Variants in GRM8 observed in about 807,000 individuals in gnomAD.
The protein encoded by GRM8 is glutamate metabotropic receptor 8, also known as metabotropic glutamate receptor 8.
Under a neutral mutation model 87.2 loss-of-function variants are expected in GRM8, and 47 were observed. The ratio of observed to expected loss-of-function variants is 0.54; its 90% confidence interval spans 0.43 to 0.69. The LOEUF (loss-of-function observed/expected upper bound fraction) is 0.69. Among genes scored for constraint, GRM8 ranks in the 30% least tolerant of loss-of-function variants. GRM8 has a pLI of 0.00. For synonymous variants in GRM8, 396 were observed against 404.5 expected (o/e 0.98, Z 0.25); for missense variants, 1,019 against 1,139.2 (o/e 0.89, Z 1.52).
intron 7 of GRM8, among the ~76,000 whole-genome samples, chr7:126,704,133 C>T (rs1428963640): frequency 6.6e-6 from 1 of 152,152 alleles, no homozygotes; most frequent in Admixed American, 6.5e-5. Flanking sequence ...AATGGAGGGA[C>T]TGGTTGAAGC....
At chr7:127,182,683 A>T (rs560431308) in intron 2 of GRM8, among the ~76,000 whole-genome samples, 4 of 138,320 alleles carry the variant, frequency 2.9e-5, no homozygotes, top group South Asian at 2.4e-4. Context: ...GTGTGTGTGT[A>T]TAGACAGATA....
intron 6 of GRM8, among the ~76,000 whole-genome samples, chr7:126,797,786 G>A (rs1448150326): frequency 6.6e-6 from 1 of 152,046 alleles, no homozygotes; most frequent in Non-Finnish European, 1.5e-5. Flanking sequence ...CTAGGACTAA[G>A]ATTGTGTAAA....
At chr7:126,811,825 CT>C (rs963619777) in intron 6 of GRM8, among the ~76,000 whole-genome samples, 1 of 151,664 alleles carries the variant, frequency 6.6e-6, no homozygotes, top group Non-Finnish European at 1.5e-5. Context: ...ATTTGGCATC[CT>C]TTTTTTTCCA....
intron 2 of GRM8, chr7:127,228,310 C>G (rs1797470974): frequency 6.6e-6 from 1 of 152,186 alleles, no homozygotes; most frequent in Non-Finnish European, 1.5e-5. Context: ...ACATGTTTAG[C>G]ATAGTGCCTG....
intron 3 of GRM8, among the ~76,000 whole-genome samples, chr7:127,094,091 A>T (rs1824414635): frequency 6.6e-6 from 1 of 152,206 alleles, no homozygotes; most frequent in Non-Finnish European, 1.5e-5. Context: ...GCCTATAAAA[A>T]ATGACATAAA....
At chr7:126,812,804 G>C (rs1170166046) in intron 6 of GRM8, among the ~76,000 whole-genome samples, 1 of 152,006 alleles carries the variant, frequency 6.6e-6, no homozygotes, top group African/African-American at 2.4e-5. Context: ...TGCATACATA[G>C]AGCAGGTATG....
At chr7:126,673,542 A>C (rs1806612951) in intron 7 of GRM8, among the ~76,000 whole-genome samples, 1 of 152,174 alleles carries the variant, frequency 6.6e-6, no homozygotes, top group South Asian at 2.1e-4. Context: ...CACCAAGAAC[A>C]CATGGATTCC....
In GRM8 at chr7:127,141,254, C is replaced by CACA. The variant is rs533617567; in HGVS notation, c.511-34545_511-34543dup. ...CCCTCCCTAGTGCCCATCCCACCCA[C>CACA]ACAACTGAGGGGTTTCCAGGTCCAG... On this transcript the variant is annotated intron_variant, in intron 2 of 10. Coordinates refer to ENST00000339582, the MANE Select transcript of GRM8 (RefSeq NM_000845.3). Among the ~76,000 whole-genome samples, 484 of 151,790 alleles carry CACA rather than the reference C, an allele frequency of 3.2e-3. 3 individuals are homozygous for CACA. The highest frequency in any genetic ancestry group is 5.1e-3 in the Non-Finnish European group (349 of 68,020).
intron 8 of GRM8, among the ~76,000 whole-genome samples, chr7:126,570,784 C>T (rs574083546): frequency 2.6e-5 from 4 of 152,276 alleles, no homozygotes; most frequent in African/African-American, 9.6e-5. Flanking sequence ...AGAGCAACAA[C>T]ACAATCCAAG....
chr7:126,742,573 T>C (rs903120776), intron 7 of GRM8, among the ~76,000 whole-genome samples: 5 of 152,028 alleles, frequency 3.3e-5, no homozygotes, highest in African/African-American at 9.6e-5. Context: ...TCACCATTAA[T>C]CAACCACGCC....
intron 8 of GRM8, among the ~76,000 whole-genome samples, chr7:126,590,879 A>C (rs1796606079): frequency 6.6e-6 from 1 of 152,200 alleles, no homozygotes; most frequent in African/African-American, 2.4e-5. Context: ...GGTGCTCTAA[A>C]TCTTGAAACA....
chr7:126,864,124 G>C (rs1408980425), intron 6 of GRM8, among the ~76,000 whole-genome samples: 1 of 140,376 alleles, frequency 7.1e-6, no homozygotes, highest in African/African-American at 2.6e-5. Flanking sequence ...TCCTGCCTCA[G>C]CCTCCCAAAG....
At chr7:127,190,834 A>T (rs1409983041) in intron 2 of GRM8, among the ~76,000 whole-genome samples, 7 of 152,160 alleles carry the variant, frequency 4.6e-5, no homozygotes, top group Admixed American at 4.6e-4. Flanking sequence ...CATTATAATT[A>T]GTTAAATATT....
At chr7:127,129,867 C>G (rs868649116) in intron 2 of GRM8, among the ~76,000 whole-genome samples, 1 of 152,142 alleles carries the variant, frequency 6.6e-6, no homozygotes, top group African/African-American at 2.4e-5. Context: ...TGAGTCATTT[C>G]TCAGTAATAG....
rs1006237413 is a variant in GRM8, at chr7:126,856,348, C to A, written c.1156+46194G>T. ...AAAAATCAAATAACAAAACTAACAT[C>A]GCCACATTTTTTTTTTAACAATCTG... is the stretch of plus-strand genomic sequence containing the variant. On this transcript the variant is annotated intron_variant, in intron 6 of 10. Coordinates refer to ENST00000339582, the MANE Select transcript of GRM8 (RefSeq NM_000845.3). Among the ~76,000 whole-genome samples the A allele has an allele frequency of 3.3e-5, 5 of 151,996 alleles. No individual in the cohort carries two copies. The East Asian group carries it at 9.8e-4, about 30-fold the overall frequency.
At chr7:127,169,057 A>C (rs1384586157) in intron 2 of GRM8, among the ~76,000 whole-genome samples, 1 of 151,296 alleles carries the variant, frequency 6.6e-6, no homozygotes, top group Non-Finnish European at 1.5e-5. Context: ...TCTATGTGGA[A>C]TAAAAATCAA....
chr7:127,147,697 T>C (rs748151612), intron 2 of GRM8, among the ~76,000 whole-genome samples: 1 of 152,072 alleles, frequency 6.6e-6, no homozygotes, highest in Non-Finnish European at 1.5e-5. Flanking sequence ...ATGTAACTAA[T>C]GCAACCCAAT....
chr7:126,845,324 G>C (rs1053680148), intron 6 of GRM8, among the ~76,000 whole-genome samples: 1 of 152,176 alleles, frequency 6.6e-6, no homozygotes, highest in African/African-American at 2.4e-5. Context: ...AGCAGTTTAA[G>C]AGAGGGTATT....
intron 3 of GRM8, among the ~76,000 whole-genome samples, chr7:126,906,475 C>A (rs1212761198): frequency 1.3e-5 from 2 of 152,154 alleles, no homozygotes; most frequent in East Asian, 3.8e-4. Context: ...TGCCACCACA[C>A]CGCACTGGTC....
Sources: gnomAD v4.1 joint callset for allele counts (sites outside exome capture counted in the v4.1 genomes callset) on GRCh38, gnomAD v4.1.1 for gene constraint, MANE v1.5 for transcripts, NCBI Gene and HGNC (gene_info 2026-07-23, HGNC 2026-07-21) for gene names.